SV2C: variants seen among roughly 807,000 people sequenced by gnomAD.
The protein encoded by SV2C is synaptic vesicle glycoprotein 2C, also known as solute carrier family 22 member B3.
In SV2C, 49 loss-of-function variants were observed where a neutral mutation model predicts 79.7. The ratio of observed to expected loss-of-function variants is 0.61; its 90% CI spans 0.49 to 0.78. The LOEUF (loss-of-function observed/expected upper bound fraction) is 0.78. Ranked by LOEUF, SV2C falls within the 30% of genes least tolerant of loss-of-function variation. The pLI, the probability that SV2C is intolerant of heterozygous loss-of-function variation, is 0.00. For synonymous variants in SV2C, 334 were observed against 333.2 expected (o/e 1.00, Z -0.03); for missense variants, 833 against 912.9 (o/e 0.91, Z 1.13).
intron 4 of SV2C, among the ~76,000 whole-genome samples, chr5:76,279,626 G>A (rs1747122421): frequency 6.6e-6 from 1 of 152,196 alleles, no homozygotes; most frequent in Admixed American, 6.5e-5. Context: ...CAGTTTCTGT[G>A]GAATTTGGGA....
upstream of SV2C, chr5:76,078,665 T>C (rs1746925346): frequency 1.1e-5 from 5 of 447,588 alleles, no homozygotes; most frequent in African/African-American, 2.0e-5. Flanking sequence ...CTCGCCTCAC[T>C]GTCACAGCAG....
the SV2C span, among the ~76,000 whole-genome samples, chr5:75,858,221 C>T: frequency 1.3e-5 from 2 of 152,168 alleles, no homozygotes; most frequent in Admixed American, 1.3e-4. Flanking sequence ...TCCCATTCAG[C>T]GTGATGCTAG....
chr5:76,234,392 A>G (rs751520943), intron 4 of SV2C, among the ~76,000 whole-genome samples: 1 of 152,216 alleles, frequency 6.6e-6, no homozygotes, highest in Non-Finnish European at 1.5e-5. Context: ...TATCAAACTC[A>G]GTGTAACATA....
At chr5:75,908,120 T>G in the SV2C span, among the ~76,000 whole-genome samples, 11 of 152,276 alleles carry the variant, frequency 7.2e-5, no homozygotes, top group Non-Finnish European at 1.3e-4. Context: ...TTCACAGATA[T>G]GTGCAACAAT....
intron 2 of SV2C, among the ~76,000 whole-genome samples, chr5:76,186,282 C>T (rs919120492): frequency 6.6e-6 from 1 of 152,192 alleles, no homozygotes; most frequent in Non-Finnish European, 1.5e-5. Context: ...GTTCCAAAGT[C>T]GTTTCCACAT....
Position 76,318,216 on chromosome 5 carries a change from G to A in SV2C, c.2001-7148G>A, listed in dbSNP as rs143486098. 8.2e-3 allele frequency among the ~76,000 whole-genome samples: 1,248 copies of A among 152,124 alleles called. 12 individuals are homozygous for A. Among genetic ancestry groups the A allele is most frequent in the African/African-American group, 0.024 (1,014 of 41,496 alleles). ...GGGCAGATCATGAGGTCAGGAGTTC[G>A]AGACCAACCTGGCCAACATGGTGAA... On this transcript the variant is annotated intron_variant, in intron 12 of 12. Transcript: ENST00000502798.
At chr5:75,878,365 C>T in the SV2C span, among the ~76,000 whole-genome samples, 3 of 151,916 alleles carry the variant, frequency 2.0e-5, no homozygotes, top group Admixed American at 6.6e-5. Context: ...TAGGTTTAAA[C>T]GTCTGTTTCT....
At chr5:76,005,734 T>TG in the SV2C span, among the ~76,000 whole-genome samples, 20 of 152,270 alleles carry the variant, frequency 1.3e-4, no homozygotes, top group Middle Eastern at 3.4e-3. Context: ...AGCTGACAAA[T>TG]GAAACCATGC....
chr5:76,274,684 CT>C (rs11415755), intron 4 of SV2C, among the ~76,000 whole-genome samples: 433 of 139,584 alleles, frequency 3.1e-3, no homozygotes, highest in Non-Finnish European at 3.6e-3. Flanking sequence ...TTTTCTCCTT[CT>C]TTTTTTTTTT....
Position 76,209,823 on chromosome 5 carries a change from C to T in SV2C, c.849C>T (p.Cys283=). ...EKRGEHLSWL[C]MFWMIGGIYA... ...GGGGCGAACACTTGAGCTGGCTCTG[C>T]ATGTTCTGGATGATCGGTGGCATCT... Residue 283 remains cysteine, a synonymous_variant, in exon 4 of 13, where the codon TGC becomes TGT. Transcript: ENST00000502798. The T allele has an allele frequency of 6.2e-7, 1 of 1,614,250 alleles. No homozygotes were observed. Among genetic ancestry groups the T allele is most frequent in the South Asian group, 1.1e-5 (1 of 91,084 alleles).
intron 3 of SV2C, among the ~76,000 whole-genome samples, chr5:76,202,208 A>G (rs1744470454): frequency 6.6e-6 from 1 of 152,100 alleles, no homozygotes; most frequent in Non-Finnish European, 1.5e-5. Context: ...ATTGTTTAAG[A>G]CTTTTAAAAT....
At chr5:75,948,962 G>T in the SV2C span, among the ~76,000 whole-genome samples, 1 of 151,930 alleles carries the variant, frequency 6.6e-6, no homozygotes, top group South Asian at 2.1e-4. Context: ...ATCTCATGTT[G>T]CATTGTAATC....
intron 3 of SV2C, among the ~76,000 whole-genome samples, chr5:76,202,123 T>C (rs1196455910): frequency 6.6e-6 from 1 of 152,136 alleles, no homozygotes. Flanking sequence ...GGTCTGATTC[T>C]GAGCTATGAG....
chr5:76,224,438 A>G (rs1745181131), intron 4 of SV2C, among the ~76,000 whole-genome samples: 2 of 152,214 alleles, frequency 1.3e-5, no homozygotes, highest in South Asian at 4.1e-4. Flanking sequence ...TAACCTAATT[A>G]GATCCTTTAT....
At chr5:76,244,296 A>G (rs973027749) in intron 4 of SV2C, among the ~76,000 whole-genome samples, 2 of 152,226 alleles carry the variant, frequency 1.3e-5, no homozygotes, top group Admixed American at 6.5e-5. Context: ...TTAATTGACA[A>G]ATGATTTATA....
chr5:76,102,418 A>G (rs1189550965), intron 1 of SV2C, among the ~76,000 whole-genome samples: 2 of 151,954 alleles, frequency 1.3e-5, no homozygotes, highest in Non-Finnish European at 2.9e-5. Context: ...CACCTTAGGC[A>G]CCCTTCCAAT....
At chr5:76,136,679 G>C in intron 2 of SV2C, among the ~76,000 whole-genome samples, 1 of 152,140 alleles carries the variant, frequency 6.6e-6, no homozygotes, top group East Asian at 1.9e-4. Flanking sequence ...GTATACCTAT[G>C]TAACAAACCT....
At chr5:76,145,387 G>A (rs1282505071) in intron 2 of SV2C, among the ~76,000 whole-genome samples, 2 of 152,158 alleles carry the variant, frequency 1.3e-5, no homozygotes, top group South Asian at 2.1e-4. Context: ...GTGCTTGAAT[G>A]GCCAAAGATC....
chr5:76,339,528 C>A (rs1479728641), intron 12 of SV2C, among the ~76,000 whole-genome samples: 2 of 152,032 alleles, frequency 1.3e-5, no homozygotes, highest in African/African-American at 4.8e-5. Context: ...TCCTGGCTAA[C>A]AAGGTGAAAC....
Sources: gnomAD v4.1 joint callset for allele counts (sites outside exome capture counted in the v4.1 genomes callset) on GRCh38, gnomAD v4.1.1 for gene constraint, MANE v1.5 for transcripts, NCBI Gene and HGNC (gene_info 2026-07-23, HGNC 2026-07-21) for gene names.